COPS5: variants seen among roughly 807,000 people sequenced by gnomAD.
COPS5 encodes COP9 signalosome complex subunit 5.
In COPS5, 8 loss-of-function variants were observed where a neutral mutation model predicts 44.4. The ratio of observed to expected loss-of-function variants is 0.18; its 90% CI spans 0.11 to 0.32. The LOEUF (loss-of-function observed/expected upper bound fraction) is 0.32. Among genes scored for constraint, COPS5 ranks in the 10% least tolerant of loss-of-function variants. The pLI is 1.00. For missense variants in COPS5, 159 were observed against 406.4 expected (o/e 0.39, Z 5.23); for synonymous variants, 122 against 142.8 (o/e 0.85, Z 1.04).
intron 2 of COPS5, 27 bp downstream of exon 2, chr8:67,059,184 C>G: frequency 1.3e-6 from 2 of 1,568,412 alleles, no homozygotes; most frequent in Non-Finnish European, 1.8e-6. Flanking sequence ...CTTGCAATTA[C>G]TAAACTATAA....
chr8:67,060,327 T>G, intron 1 of COPS5: 2 of 1,179,696 alleles, frequency 1.7e-6, no homozygotes, highest in Non-Finnish European at 2.1e-6. Flanking sequence ...GAACCTAAAA[T>G]GCACAGCCTG....
At chr8:67,056,158 A>G (rs564793343) in intron 5 of COPS5, among the ~76,000 whole-genome samples, 2 of 152,332 alleles carry the variant, frequency 1.3e-5, no homozygotes, top group South Asian at 4.1e-4. Context: ...CATTAATAAA[A>G]AATGCAAAAG....
chr8:67,048,582 G>A (rs1046691029), intron 6 of COPS5, among the ~76,000 whole-genome samples: 1 of 151,828 alleles, frequency 6.6e-6, no homozygotes, highest in Non-Finnish European at 1.5e-5. Flanking sequence ...CGGGCGTGGT[G>A]GCACGCACCT....
chr8:67,046,807 G>A (rs1229279211), intron 6 of COPS5, among the ~76,000 whole-genome samples: 1 of 82,378 alleles, frequency 1.2e-5, no homozygotes, highest in Non-Finnish European at 2.2e-5. Context: ...TGGGCAACAA[G>A]AGCAAAACTC....
chr8:67,047,013 TATA>T (rs1222458038), intron 6 of COPS5, among the ~76,000 whole-genome samples: 1 of 152,136 alleles, frequency 6.6e-6, no homozygotes, highest in Non-Finnish European at 1.5e-5. Flanking sequence ...TTTGAGAAAC[TATA>T]ATATTACATA....
intron 1 of COPS5, chr8:67,061,413 G>A (rs544735511): frequency 3.1e-5 from 14 of 452,130 alleles, no homozygotes; most frequent in Non-Finnish European, 4.9e-5. Flanking sequence ...AACACAGCGA[G>A]GACCCATTTC....
At chr8:67,058,979 G>C (rs529186124) in intron 2 of COPS5, among the ~76,000 whole-genome samples, 1 of 151,434 alleles carries the variant, frequency 6.6e-6, no homozygotes, top group African/African-American at 2.4e-5. Context: ...ACTCCAGCCT[G>C]GGCAACAGAG....
At chr8:67,047,619 C>A in intron 6 of COPS5, 1 of 470,396 alleles carries the variant, frequency 2.1e-6, no homozygotes, top group African/African-American at 1.9e-5. Context: ...CATATATCTA[C>A]ATATTTGTTC....
chr8:67,043,506 A>G (rs1230115458), intron 7 of COPS5, 189 bp from the exon 8 acceptor site: 1 of 427,948 alleles, frequency 2.3e-6, no homozygotes, highest in East Asian at 3.7e-5. Context: ...CCATTTCATT[A>G]CTTACTAGAA....
At chr8:67,047,913 T>A (rs1026565585) in intron 6 of COPS5, 1 of 702,498 alleles carries the variant, frequency 1.4e-6, no homozygotes, top group Non-Finnish European at 2.6e-6. Context: ...ATAGGAAGCA[T>A]GTAACACATA....
At chr8:67,048,230 C>T (rs1369040639) in intron 6 of COPS5, among the ~76,000 whole-genome samples, 1 of 151,172 alleles carries the variant, frequency 6.6e-6, no homozygotes, top group African/African-American at 2.4e-5. Flanking sequence ...GATTGCACCA[C>T]TGCACTTCAG....
chr8:67,043,977 T>C (rs910326501), intron 7 of COPS5: 1 of 152,160 alleles, frequency 6.6e-6, no homozygotes, highest in Non-Finnish European at 1.5e-5. Context: ...ATAAATGACA[T>C]ACATAAAGAC....
At chr8:67,053,206 T>C (rs1417585852) in intron 5 of COPS5, among the ~76,000 whole-genome samples, 3 of 151,702 alleles carry the variant, frequency 2.0e-5, no homozygotes, top group African/African-American at 7.3e-5. Context: ...CGTTCTGCCA[T>C]AGCCTCCCGA....
In COPS5 at chr8:67,056,651, AAATATATATAT is replaced by A. The variant is rs1804511799; in HGVS notation, c.574-58_574-48del. On this transcript the variant is annotated intron_variant, in intron 4 of 7. Coordinates refer to ENST00000357849, the MANE Select transcript of COPS5 (RefSeq NM_006837.3). ...AGAAGATTAAGAAAAAAAAAAAAAA[AAATATATATAT>A]ATATATATATATATATATATATATA... 23 of 55,900 alleles carry A rather than the reference AAATATATATAT, an allele frequency of 4.1e-4. 1 individual carries two copies. Among genetic ancestry groups the A allele is most frequent in the Non-Finnish European group, 5.7e-4 (21 of 36,588 alleles). 3.5% of individuals were successfully genotyped at this position (55,900 alleles called of 1,614,324 possible).
Position 67,045,958 on chromosome 8 carries a change from A to G in COPS5, c.774T>C (p.Asn258=), listed in dbSNP as rs1816694983. ...AGACCTGACCAGTGGTATAGTCTGC[A>G]TTCTGTGGGGAAAGTGGTATTGTGT... The part of the protein sequence containing the change: ...NTLSSSSLLT[N]ADYTTGQVFD... The change falls in exon 7 of 8, where the codon AAT becomes AAC. Residue 258 remains asparagine (N), a splice_region_variant and synonymous_variant. Coordinates refer to ENST00000357849, the MANE Select transcript of COPS5 (RefSeq NM_006837.3). The G allele has an allele frequency of 6.2e-7, 1 of 1,613,686 alleles. No homozygotes were observed. Among genetic ancestry groups the G allele is most frequent in the African/African-American group, 1.3e-5 (1 of 74,930 alleles).
intron 6 of COPS5, among the ~76,000 whole-genome samples, chr8:67,050,424 A>G (rs1295487824): frequency 1.3e-5 from 2 of 152,210 alleles, no homozygotes; most frequent in Non-Finnish European, 2.9e-5. Flanking sequence ...GCGGCTCAGC[A>G]GTAAAGCACT....
chr8:67,049,295 T>G lies in COPS5; in HGVS notation c.771+1935A>C, dbSNP rs139681292. On this transcript the variant is annotated intron_variant, in intron 6 of 7. Coordinates refer to ENST00000357849, the MANE Select transcript of COPS5 (RefSeq NM_006837.3). ...TTGGGCAACGTGGCAAAACCCTGTC[T>G]CCACAAAAAGATACAAAAATTAGCC... Among the ~76,000 whole-genome samples, 31 of 152,158 alleles carry G rather than the reference T, an allele frequency of 2.0e-4. No homozygotes were observed. In the East Asian group the frequency reaches 5.8e-3, roughly 28 times the overall value.
intron 2 of COPS5, 107 bp from the exon 3 acceptor site, chr8:67,058,318 T>G: frequency 9.1e-7 from 1 of 1,094,434 alleles, no homozygotes; most frequent in Non-Finnish European, 1.3e-6. Context: ...TCTCCTCAAT[T>G]ACCCACTTTT....
At chr8:67,049,726 A>G (rs1804370839) in intron 6 of COPS5, among the ~76,000 whole-genome samples, 1 of 152,082 alleles carries the variant, frequency 6.6e-6, no homozygotes, top group South Asian at 2.1e-4. Flanking sequence ...TACTCCTTTC[A>G]ACCAATACTC....
Sources: allele counts gnomAD v4.1 joint callset (sites outside exome capture counted in the v4.1 genomes callset), GRCh38; gene constraint gnomAD v4.1.1; transcripts MANE v1.5; gene names NCBI Gene and HGNC (gene_info 2026-07-23, HGNC 2026-07-21).